The following LRRC72 variants were observed in gnomAD, a reference collection of about 807,000 sequenced individuals.
LRRC72 encodes the protein leucine-rich repeat-containing protein 72.
LRRC72 carries 41 observed loss-of-function variants against 35.8 expected under a neutral mutation model. That is an observed-to-expected ratio of 1.15 (90% CI 0.89 to 1.49). The LOEUF is 1.49. Among genes scored for constraint, LRRC72 ranks in the 40% most tolerant of loss-of-function variants. The pLI is 0.00. For synonymous variants in LRRC72, 118 were observed against 119.2 expected, an observed-to-expected ratio of 0.99 and a Z score of 0.07; for missense variants, 389 against 330.7, an observed-to-expected ratio of 1.18 and a Z score of -1.37.
chr7:16,572,081 A>T (rs1443801797), intron 7 of LRRC72, among the ~76,000 whole-genome samples: 1 of 152,134 alleles, frequency 6.6e-6, no homozygotes, highest in Non-Finnish European at 1.5e-5. Flanking sequence ...AGCCGCCAGG[A>T]AGTTCAGACT....
chr7:16,569,033 G>T (rs1463936132), intron 7 of LRRC72, among the ~76,000 whole-genome samples: 5 of 152,094 alleles, frequency 3.3e-5, no homozygotes, highest in Non-Finnish European at 1.5e-5. Context: ...AAAAGTTAAA[G>T]AATATTAAAA....
Position 16,532,486 on chromosome 7 carries a change from T to A in LRRC72, c.91-9T>A. The A allele has an allele frequency of 1.9e-6, 3 of 1,545,120 alleles. No individual in the cohort carries two copies. Among genetic ancestry groups the A allele is most frequent in the Non-Finnish European group, 2.6e-6 (3 of 1,141,998 alleles). ...AATGTAGTTTGACAGATTAATTATATGTTATCAGGCAGTTGAAGATCAGCT... is the reference window on the plus strand; with the variant it reads ...AATGTAGTTTGACAGATTAATTATAAGTTATCAGGCAGTTGAAGATCAGCT... On this transcript the variant is annotated splice_polypyrimidine_tract_variant and intron_variant, in intron 1 of 8. Transcript: ENST00000401542.
chr7:16,532,554 G>C lies in LRRC72; in HGVS notation c.150G>C (p.Leu50=). 1.3e-6 allele frequency: 2 copies of C among 1,548,886 alleles called. No individual in the cohort carries two copies. Among genetic ancestry groups the C allele is most frequent in the Non-Finnish European group, 8.7e-7 (1 of 1,145,436 alleles). ...GHRRDADVFE[L]FLSKKELTEV... is the part of the protein sequence containing the mutation. ...GGAGGGATGCTGATGTCTTTGAGCTGTTCCTTTCTAAAAAGTAAGTGTACT... is the reference window on the plus strand; with the variant it reads ...GGAGGGATGCTGATGTCTTTGAGCTCTTCCTTTCTAAAAAGTAAGTGTACT... The change falls in exon 2 of 9, where the codon CTG becomes CTC. Residue 50 remains leucine, a synonymous_variant. Coordinates refer to ENST00000401542, the MANE Select transcript of LRRC72 (RefSeq NM_001195280.2).
intron 3 of LRRC72, among the ~76,000 whole-genome samples, chr7:16,550,269 G>T (rs1302715116): frequency 6.6e-6 from 1 of 151,644 alleles, no homozygotes; most frequent in Non-Finnish European, 1.5e-5. Context: ...TATAGCAATG[G>T]TTCTATCACT....
At chr7:16,532,116 C>G (rs1782177247) in intron 1 of LRRC72, among the ~76,000 whole-genome samples, 1 of 152,140 alleles carries the variant, frequency 6.6e-6, no homozygotes, top group South Asian at 2.1e-4. Context: ...TGCATGAATT[C>G]TCTATAGGAA....
intron 3 of LRRC72, among the ~76,000 whole-genome samples, chr7:16,544,510 G>A (rs746790172): frequency 3.9e-5 from 6 of 152,048 alleles, no homozygotes; most frequent in Non-Finnish European, 5.9e-5. Flanking sequence ...TCCCTTCCTC[G>A]TTTCATTCTC....
At chr7:16,541,168 ACTACAG>A in intron 3 of LRRC72, among the ~76,000 whole-genome samples, 1 of 152,192 alleles carries the variant, frequency 6.6e-6, no homozygotes, top group East Asian at 1.9e-4. Flanking sequence ...CCAGACAATC[ACTACAG>A]TAAGCTAGTG....
At chr7:16,532,780 G>C (rs1275554653) in intron 2 of LRRC72, 2 of 618,514 alleles carry the variant, frequency 3.2e-6, no homozygotes, top group South Asian at 1.7e-5. Context: ...GAGACAGGCT[G>C]TTTGAATCCC....
intron 1 of LRRC72, among the ~76,000 whole-genome samples, chr7:16,528,404 A>G (rs1169890134): frequency 1.3e-5 from 2 of 152,082 alleles, no homozygotes; most frequent in African/African-American, 2.4e-5. Context: ...CTGTTCCACC[A>G]GGGCCTCAAT....
intron 3 of LRRC72, among the ~76,000 whole-genome samples, chr7:16,550,162 G>A (rs1427534066): frequency 6.6e-6 from 1 of 152,012 alleles, no homozygotes; most frequent in Non-Finnish European, 1.5e-5. Context: ...AGGCTGCAGT[G>A]ACTGTGATCG....
intron 5 of LRRC72, among the ~76,000 whole-genome samples, chr7:16,560,559 C>G (rs1244506259): frequency 2.0e-5 from 3 of 152,022 alleles, no homozygotes; most frequent in African/African-American, 7.2e-5. Flanking sequence ...TGGCCCCTGT[C>G]TGCTGGAAAA....
chr7:16,551,187 C>G (rs1289578286), intron 3 of LRRC72, among the ~76,000 whole-genome samples: 2 of 152,126 alleles, frequency 1.3e-5, no homozygotes, highest in African/African-American at 2.4e-5. Context: ...TGCACATAGA[C>G]AGAGATCACA....
intron 3 of LRRC72, among the ~76,000 whole-genome samples, chr7:16,547,214 G>A (rs1302570249): frequency 2.6e-5 from 4 of 152,148 alleles, no homozygotes; most frequent in African/African-American, 7.2e-5. Context: ...GAGCCCACCC[G>A]AGAGACCCCA....
intron 7 of LRRC72, among the ~76,000 whole-genome samples, chr7:16,575,040 G>A (rs754351273): frequency 9.9e-5 from 15 of 151,900 alleles, no homozygotes; most frequent in Admixed American, 2.0e-4. Context: ...GGTTGGACCC[G>A]GGAGTTGGAG....
chr7:16,542,564 A>T (rs1002443816), intron 3 of LRRC72, among the ~76,000 whole-genome samples: 8 of 152,168 alleles, frequency 5.3e-5, no homozygotes, highest in Admixed American at 2.6e-4. Flanking sequence ...TCCACCTGTG[A>T]CCTGAAGGAG....
At chr7:16,552,445 A>T (rs1377735665) in intron 3 of LRRC72, among the ~76,000 whole-genome samples, 1 of 152,204 alleles carries the variant, frequency 6.6e-6, no homozygotes, top group Non-Finnish European at 1.5e-5. Flanking sequence ...GGCCAAGGTT[A>T]AGAAGATGCC....
chr7:16,526,831 CGGGAATGCGGTAACTGTTG>C lies in LRRC72; in HGVS notation c.-120_-102del. The C allele has an allele frequency of 1.3e-6, 1 of 775,828 alleles. No homozygotes were observed. 48.1% of individuals were successfully genotyped at this position (775,828 alleles called of 1,614,324 possible). On this transcript the variant is annotated 5_prime_UTR_variant, in exon 1 of 9. An upstream start codon of the reference 5' UTR is lost. Transcript: ENST00000401542. ...CCAGTGTGGACTGGCTTTTAGTCAA[CGGGAATGCGGTAACTGTTG>C]GTAACAGAACAACGAGCTGTGCACC...
At position 16,558,912 on chromosome 7, in the gene LRRC72, C is replaced by A; in HGVS notation, c.340C>A (p.His114Asn). ...AGGTCTGCATTATTTGCCTTCATTGCATATACTCCTGCTACACCACAATGA... is the reference window on the plus strand; with the variant it reads ...AGGTCTGCATTATTTGCCTTCATTGAATATACTCCTGCTACACCACAATGA... Reference protein sequence around the residue: ...IEGLHYLPSLHILLLHHNELT... With the variant: ...IEGLHYLPSLNILLLHHNELT... Residue 114 changes from histidine to asparagine, a missense_variant, in exon 5 of 9, where the codon CAT becomes AAT. Coordinates refer to ENST00000401542, the MANE Select transcript of LRRC72 (RefSeq NM_001195280.2). 6.6e-7 allele frequency: 1 copy of A among 1,506,082 alleles called. No homozygotes were observed. The highest frequency in any genetic ancestry group is 8.9e-7 in the Non-Finnish European group (1 of 1,121,084). The allele number at this position is 1,506,082 out of a possible 1,614,324, so 93.3% of individuals were successfully genotyped here.
intron 3 of LRRC72, among the ~76,000 whole-genome samples, chr7:16,547,900 C>A (rs1443315436): frequency 6.6e-6 from 1 of 152,190 alleles, no homozygotes; most frequent in African/African-American, 2.4e-5. Context: ...CCAATGAAGC[C>A]CCACCTTCAA....
Sources: allele counts gnomAD v4.1 joint callset (sites outside exome capture counted in the v4.1 genomes callset), GRCh38; gene constraint gnomAD v4.1.1; transcripts MANE v1.5; gene names NCBI Gene and HGNC (gene_info 2026-07-23, HGNC 2026-07-21).